Variants in FOXN4 observed in about 807,000 individuals in gnomAD.
FOXN4 encodes the protein forkhead box N4.
FOXN4 carries 12 observed loss-of-function variants against 45.0 expected under a neutral mutation model. The observed-to-expected ratio is 0.27, with a 90% CI of 0.17 to 0.43. The LOEUF (loss-of-function observed/expected upper bound fraction) is 0.43. Among genes scored for constraint, FOXN4 ranks in the 20% least tolerant of loss-of-function variants. The pLI is 1.00. For synonymous variants in FOXN4, 297 were observed against 295.0 expected (o/e 1.01, Z -0.07); for missense variants, 560 against 694.9 (o/e 0.81, Z 2.18).
At chr12:109,293,722 T>C (rs1357032062) in intron 2 of FOXN4, among the ~76,000 whole-genome samples, 2 of 152,238 alleles carry the variant, frequency 1.3e-5, no homozygotes, top group African/African-American at 4.8e-5. Context: ...GGTGCTGAAC[T>C]TCTGACCTTG....
chr12:109,298,864 T>C (rs916002090), intron 2 of FOXN4, among the ~76,000 whole-genome samples: 2 of 152,198 alleles, frequency 1.3e-5, no homozygotes, highest in African/African-American at 4.8e-5. Flanking sequence ...CCTGGCTGCG[T>C]GACCTGGGGC....
intron 2 of FOXN4, among the ~76,000 whole-genome samples, chr12:109,303,591 G>A (rs891301351): frequency 6.6e-6 from 1 of 152,170 alleles, no homozygotes; most frequent in African/African-American, 2.4e-5. Context: ...CTTAGAGCAG[G>A]GACTGAGATT....
chr12:109,279,765 G>A lies in FOXN4; in HGVS notation c.1460C>T (p.Ala487Val), dbSNP rs1482284489. Reference sequence around the variant, plus strand: ...AGCCACACTGTCCGGAGTGGAGTACGCTGTGTAGAGACCCGTCACCTGCAA... The same window carrying A: ...AGCCACACTGTCCGGAGTGGAGTACACTGTGTAGAGACCCGTCACCTGCAA... ...PDLQVTGLYT[A>V]YSTPDSVAAS... The change falls in exon 10 of 10, where the codon GCG becomes GTG. Residue 487 changes from alanine to valine, a missense_variant. Physicochemically the swap from Ala to Val is moderately conservative, Grantham distance 64 (BLOSUM62 0). This residue lies in a region of FOXN4 where 315 missense variants were observed against 350.5 expected (regional missense o/e 0.90). Coordinates refer to ENST00000299162, the MANE Select transcript of FOXN4 (RefSeq NM_213596.3). 7 of 1,597,218 alleles carry A rather than the reference G, an allele frequency of 4.4e-6. No individual in the cohort carries two copies. The highest frequency in any genetic ancestry group is 3.5e-5 in the Admixed American group (2 of 57,030).
At position 109,279,818 on chromosome 12, in the gene FOXN4, C is replaced by A. The variant is rs374897814; in HGVS notation, c.1407G>T (p.Ser469=). The change falls in exon 10 of 10, where the codon TCG becomes TCT. Residue 469 remains serine (S), a synonymous_variant. Coordinates refer to ENST00000299162, the MANE Select transcript of FOXN4 (RefSeq NM_213596.3). ...CTGGGAAGGACTGGTCGCTGCCACC[C>A]GAGGCAGGGGTTAGGCCTGAGGCCC... is the stretch of plus-strand genomic sequence containing the variant. ...DLGASGLTPA[S]GGSDQSFPDL... 1 of 1,612,788 alleles carries A rather than the reference C, an allele frequency of 6.2e-7. No individual in the cohort carries two copies. The highest frequency in any genetic ancestry group is 1.1e-5 in the South Asian group (1 of 90,808).
At chr12:109,281,828 AACCC>A in intron 8 of FOXN4, 29 bp from the exon 9 acceptor site, 1 of 1,536,814 alleles carries the variant, frequency 6.5e-7, no homozygotes, top group Non-Finnish European at 8.7e-7. Flanking sequence ...GGTCACTCAG[AACCC>A]ACCCAGCAGT....
At chr12:109,296,237 C>T (rs1388202297) in intron 2 of FOXN4, among the ~76,000 whole-genome samples, 3 of 152,224 alleles carry the variant, frequency 2.0e-5, no homozygotes, top group Non-Finnish European at 4.4e-5. Context: ...GTGGTTCCTG[C>T]GCACCCAGCG....
At chr12:109,280,556 G>A (rs568071512) in intron 9 of FOXN4, among the ~76,000 whole-genome samples, 2 of 152,276 alleles carry the variant, frequency 1.3e-5, no homozygotes, top group South Asian at 4.1e-4. Context: ...TATCATTATG[G>A]TCAAAGCCAG....
intron 2 of FOXN4, among the ~76,000 whole-genome samples, chr12:109,307,386 A>G (rs2047930788): frequency 6.6e-6 from 1 of 152,124 alleles, no homozygotes. Context: ...GAGCCCTGGA[A>G]ACGAGGTCAG....
chr12:109,285,601 AC>A, intron 7 of FOXN4, 90 bp from the exon 8 acceptor site: 1 of 1,348,930 alleles, frequency 7.4e-7, no homozygotes, highest in Non-Finnish European at 1.0e-6. Context: ...GGGGCAGGAC[AC>A]CGCGGTGGCA....
chr12:109,286,630 C>A lies in FOXN4; in HGVS notation c.693+18G>T, dbSNP rs947093627. ...GACCAGGGCAGCTCCAGCACCCCTA[C>A]CCTAGCTTGGGACTCACCTTGAAGT... On this transcript the variant is annotated intron_variant, in intron 7 of 9. Transcript: ENST00000299162. The A allele has an allele frequency of 1.3e-6, 2 of 1,598,294 alleles. No individual in the cohort carries two copies. The highest frequency in any genetic ancestry group is 2.7e-5 in the African/African-American group (2 of 74,748).
rs138895603 is a variant in FOXN4, at chr12:109,279,252, G to A, written c.*419C>T. The A allele has an allele frequency of 2.9e-3, 681 of 238,122 alleles. 3 individuals carry two copies. The highest frequency in any genetic ancestry group is 0.014 in the African/African-American group (647 of 45,208). The allele number at this position is 238,122 out of a possible 1,614,324, so 14.8% of individuals were successfully genotyped here. A position where few individuals can be genotyped will look rare whatever the true frequency, so the allele number is the denominator to read the frequency against. ...CATTTCCCATGAGGATGAATTCAAG[G>A]GCTTTCACCCCAGGGTGTTTCCTTA... On this transcript the variant is annotated 3_prime_UTR_variant, in exon 10 of 10. Transcript: ENST00000299162.
In FOXN4 at chr12:109,291,725, G is replaced by GC. The variant is rs1353090292; in HGVS notation, c.87-1440dup. ...GCTGGCATCAGGTGACTGCCTGGCT[G>GC]CCCCCGCGATTGGCTGCCTCATAGG... On this transcript the variant is annotated intron_variant, in intron 2 of 9. Coordinates refer to ENST00000299162, the MANE Select transcript of FOXN4 (RefSeq NM_213596.3). This position sits in a 1 kb window ranked among gnomAD's most constrained non-coding sequence, Gnocchi z 6.6. Among the ~76,000 whole-genome samples the GC allele has an allele frequency of 1.3e-5, 2 of 152,176 alleles. No homozygotes were observed. Among genetic ancestry groups the GC allele is most frequent in the East Asian group, 3.9e-4 (2 of 5,134 alleles).
Position 109,285,315 on chromosome 12 carries a change from A to G in FOXN4, c.890T>C (p.Met297Thr), listed in dbSNP as rs1290685288. ...RKDLAAIHRS[M>T]ANPEELDKLI... The stretch of plus-strand genomic sequence containing the variant: ...TGTCCGGCCCTCACCAGGGTTGGCC[A>G]TACTCCGGTGGATGGCAGCCAGGTC... The change falls in exon 8 of 10, where the codon ATG (methionine) becomes ACG (threonine). Residue 297 changes from methionine (M) to threonine (T), a missense_variant. Met to Thr is a moderately conservative substitution (Grantham distance 81). Around this residue, in one of 5 missense-constraint regions of FOXN4, gnomAD observed 315 missense variants for 350.5 expected, o/e 0.90. Coordinates refer to ENST00000299162, the MANE Select transcript of FOXN4 (RefSeq NM_213596.3). 6.2e-7 allele frequency: 1 copy of G among 1,608,636 alleles called. No individual in the cohort carries two copies.
At position 109,288,433 on chromosome 12, in the gene FOXN4, T is replaced by C. The variant is rs1297595012; in HGVS notation, c.233-253A>G. On this transcript the variant is annotated intron_variant, in intron 3 of 9. Coordinates refer to ENST00000299162, the MANE Select transcript of FOXN4 (RefSeq NM_213596.3). This position sits in a 1 kb window ranked among gnomAD's most constrained non-coding sequence, Gnocchi z 4.3. ...CTGATACCCCTAACTATAAATCTGC[T>C]GTGAGGGTTAAATGAGATAATGTCT... is the stretch of plus-strand genomic sequence containing the variant. Among the ~76,000 whole-genome samples, 2 of 152,178 alleles carry C rather than the reference T, an allele frequency of 1.3e-5. No homozygotes were observed. Among genetic ancestry groups the C allele is most frequent in the Non-Finnish European group, 2.9e-5 (2 of 68,030 alleles).
intron 9 of FOXN4, among the ~76,000 whole-genome samples, chr12:109,280,429 A>C (rs893180971): frequency 5.9e-5 from 9 of 151,974 alleles, no homozygotes; most frequent in Admixed American, 5.9e-4. Flanking sequence ...TGTCCTTGGG[A>C]AAGTCACTTC....
Position 109,289,207 on chromosome 12 carries a change from T to C in FOXN4, c.232+934A>G, listed in dbSNP as rs78468594. ...CACTTGGCTGAGATCACACAGCTGT[T>C]CCCTGGGCGTTCTAGATCAGGGGTT... is the stretch of plus-strand genomic sequence containing the variant. On this transcript the variant is annotated intron_variant, in intron 3 of 9. Transcript: ENST00000299162. 8.0e-4 allele frequency among the ~76,000 whole-genome samples: 122 copies of C among 152,324 alleles called. 1 individual carries two copies. The East Asian group carries it at 0.02, about 25-fold the overall frequency.
rs1044018130 is a variant in FOXN4, at chr12:109,287,937, C to G, written c.375G>C (p.Val125=). The change falls in exon 5 of 10, where the codon GTG becomes GTC. Residue 125 remains valine (V), a synonymous_variant. Transcript: ENST00000299162. The surrounding 1 kb of genome is among the most constrained non-coding windows in gnomAD (Gnocchi z 4.1). ...GHRDSMSQFP[V]GGQPSSGLQD... is the part of the protein sequence containing the mutation. ...GCAGGCCAGATGAGGGCTGGCCCCC[C>G]ACGGGGAACTGGCTCATCTGCTGGG... 1.8e-5 allele frequency: 28 copies of G among 1,549,858 alleles called. No homozygotes were observed. Among genetic ancestry groups the G allele is most frequent in the African/African-American group, 5.5e-5 (4 of 73,018 alleles).
chr12:109,279,970 T>C (rs765896879), intron 9 of FOXN4, 40 bp from the exon 10 acceptor site: 2 of 1,609,062 alleles, frequency 1.2e-6, no homozygotes, highest in Admixed American at 1.7e-5. Context: ...TGGCTTCCCA[T>C]CAAATGACCT....
At chr12:109,282,923 C>T (rs762858163) in intron 8 of FOXN4, among the ~76,000 whole-genome samples, 4 of 151,722 alleles carry the variant, frequency 2.6e-5, no homozygotes, top group Non-Finnish European at 5.9e-5. Flanking sequence ...GGGTCTCAAG[C>T]CAGACCCCAG....
Sources: gnomAD v4.1 joint callset for allele counts (sites outside exome capture counted in the v4.1 genomes callset) on GRCh38, gnomAD v4.1.1 for gene constraint, gnomAD v4.1.1 regional missense constraint, Gnocchi (gnomAD v3.1) non-coding constraint, MANE v1.5 for transcripts, NCBI Gene and HGNC (gene_info 2026-07-23, HGNC 2026-07-21) for gene names.